NDRG2: variants seen among roughly 807,000 people sequenced by gnomAD.
NDRG2 encodes the protein protein NDRG2.
A neutral mutation model predicts 58.2 loss-of-function variants in NDRG2; 34 were observed. The ratio of observed to expected loss-of-function variants is 0.58; its 90% CI spans 0.44 to 0.78. The LOEUF (loss-of-function observed/expected upper bound fraction) is 0.78, where lower values mean the gene tolerates loss of function less well. Among genes scored for constraint, NDRG2 ranks in the 30% least tolerant of loss-of-function variants. The pLI, the probability that NDRG2 is intolerant of heterozygous loss-of-function variation, is 0.00. For missense variants in NDRG2, 434 were observed against 471.2 expected (o/e 0.92, Z 0.73); for synonymous variants, 187 against 175.9 (o/e 1.06, Z -0.50).
At chr14:21,046,817 A>G (rs1256176152) in intron 1 of NDRG2, 1 of 152,022 alleles carries the variant, frequency 6.6e-6, no homozygotes, top group Non-Finnish European at 1.5e-5. Context: ...TAAGCTAGAG[A>G]AAAAAAAGGT....
chr14:21,053,952 A>G (rs1392242106), intron 1 of NDRG2, among the ~76,000 whole-genome samples: 1 of 152,236 alleles, frequency 6.6e-6, no homozygotes, highest in Non-Finnish European at 1.5e-5. Flanking sequence ...TAATTAGTGA[A>G]AGAGGTGGGA....
At chr14:21,057,563 G>A (rs185398828) in intron 1 of NDRG2, among the ~76,000 whole-genome samples, 20 of 145,604 alleles carry the variant, frequency 1.4e-4, no homozygotes, top group Admixed American at 2.2e-4. Flanking sequence ...TATTTGACAC[G>A]CTCTAGCTGT....
At chr14:21,062,787 G>T (rs1437800304) in intron 1 of NDRG2, among the ~76,000 whole-genome samples, 3 of 147,280 alleles carry the variant, frequency 2.0e-5, no homozygotes, top group Non-Finnish European at 4.5e-5. Flanking sequence ...TGTCCAGGCT[G>T]GAGTAGTGCA....
chr14:21,033,745 G>A (rs771895209), intron 1 of NDRG2: 8 of 1,050,092 alleles, frequency 7.6e-6, no homozygotes, highest in Non-Finnish European at 1.2e-5. Flanking sequence ...AGGAAGTCTT[G>A]TTACAGGGAT....
At chr14:21,034,327 G>T in intron 1 of NDRG2, 1 of 1,514,166 alleles carries the variant, frequency 6.6e-7, no homozygotes. Flanking sequence ...GGGGGCAGCA[G>T]TGGGCCTGAA....
At chr14:21,033,600 G>A (rs1429884044) in intron 1 of NDRG2, 2 of 587,068 alleles carry the variant, frequency 3.4e-6, no homozygotes, top group African/African-American at 1.9e-5. Context: ...ATGAGGAGGT[G>A]GGGGCGAAGA....
intron 1 of NDRG2, chr14:21,033,287 G>T: frequency 3.2e-6 from 1 of 315,790 alleles, no homozygotes; most frequent in Non-Finnish European, 6.1e-6. Context: ...GAAACTGGGG[G>T]TTGTGGGGAA....
At chr14:21,020,441 G>T in intron 8 of NDRG2, 55 bp downstream of exon 8, 1 of 1,431,970 alleles carries the variant, frequency 7.0e-7, no homozygotes, top group Non-Finnish European at 9.8e-7. Flanking sequence ...AGCCTAACTG[G>T]ATCCATACGA....
At chr14:21,031,093 GA>G in intron 1 of NDRG2, 1 of 1,614,216 alleles carries the variant, frequency 6.2e-7, no homozygotes, top group Non-Finnish European at 8.5e-7. Flanking sequence ...TCAAAGGGAA[GA>G]GTCCAGATGA....
In NDRG2 at chr14:21,022,875, C is replaced by T. The variant is rs1881395045; in HGVS notation, c.106G>A (p.Asp36Asn). ...CCCCACACTGTTACCTGTCCCTGGT[C>T]CAGGAGGATTCGGGCAGCTAACTCA... Reference protein sequence around the residue: ...EAELAARILLDQGQTHSVETP... With the variant: ...EAELAARILLNQGQTHSVETP... The change falls in exon 3 of 16, where the codon GAC becomes AAC. Residue 36 changes from aspartate to asparagine, a missense_variant. Asp to Asn is a conservative substitution (Grantham distance 23). Coordinates refer to ENST00000556147, the MANE Select transcript of NDRG2 (RefSeq NM_001320329.2). 1.9e-6 allele frequency: 3 copies of T among 1,613,728 alleles called. No homozygotes were observed. Among genetic ancestry groups the T allele is most frequent in the African/African-American group, 2.7e-5 (2 of 74,906 alleles).
Position 21,024,230 on chromosome 14 carries a change from G to T in NDRG2, c.-207C>A. ...GGGTCACTAACCCTCCCCAGTGTCT[G>T]TCTACCCCTAAGTCCAGAGAACACG... On this transcript the variant is annotated 5_prime_UTR_variant, in exon 1 of 16. Coordinates refer to ENST00000556147, the MANE Select transcript of NDRG2 (RefSeq NM_001320329.2). The T allele has an allele frequency of 1.0e-6, 1 of 985,516 alleles. No individual in the cohort carries two copies. 61.0% of individuals were successfully genotyped at this position (985,516 alleles called of 1,614,324 possible).
chr14:21,052,956 A>G (rs1257344473), intron 1 of NDRG2, among the ~76,000 whole-genome samples: 1 of 152,192 alleles, frequency 6.6e-6, no homozygotes, highest in African/African-American at 2.4e-5. Flanking sequence ...GATCATGCTA[A>G]GTATTCAGTC....
chr14:21,033,627 G>C (rs1161225824), intron 1 of NDRG2: 6 of 605,342 alleles, frequency 9.9e-6, no homozygotes, highest in Non-Finnish European at 1.5e-5. Flanking sequence ...AAACAAGCTG[G>C]AAAGAACCTA....
At chr14:21,028,412 C>T (rs1322532243), upstream of NDRG2, 2 of 152,192 alleles carry the variant, frequency 1.3e-5, no homozygotes, top group African/African-American at 4.8e-5. Context: ...CCACCACTCC[C>T]AACTAATTTT....
intron 1 of NDRG2, among the ~76,000 whole-genome samples, chr14:21,069,898 T>G (rs1431864484): frequency 6.6e-6 from 1 of 152,174 alleles, no homozygotes; most frequent in African/African-American, 2.4e-5. Context: ...ACCCCAGTTC[T>G]GGGAAGGGGC....
At chr14:21,031,056 C>A in intron 1 of NDRG2, 1 of 1,613,982 alleles carries the variant, frequency 6.2e-7, no homozygotes, top group South Asian at 1.1e-5. Context: ...TTCAAAGAGG[C>A]AGTGAAGGAA....
intron 1 of NDRG2, chr14:21,043,294 A>G (rs752307714): frequency 6.2e-7 from 1 of 1,614,204 alleles, no homozygotes; most frequent in Admixed American, 1.7e-5. Context: ...CACCAGAGCC[A>G]CGGGGCCGTG....
At chr14:21,063,727 TAATA>T in intron 1 of NDRG2, among the ~76,000 whole-genome samples, 1 of 152,180 alleles carries the variant, frequency 6.6e-6, no homozygotes, top group East Asian at 1.9e-4. Flanking sequence ...GGTTATGTCT[TAATA>T]AATGTTCATT....
intron 1 of NDRG2, chr14:21,034,280 TG>T: frequency 6.2e-7 from 1 of 1,609,602 alleles, no homozygotes; most frequent in East Asian, 2.2e-5. Context: ...GGGTCACAGC[TG>T]GTGCCATTCC....
Sources: gnomAD v4.1 joint callset for allele counts (sites outside exome capture counted in the v4.1 genomes callset) on GRCh38, gnomAD v4.1.1 for gene constraint, MANE v1.5 for transcripts, NCBI Gene and HGNC (gene_info 2026-07-23, HGNC 2026-07-21) for gene names.